The following TG variants were observed in gnomAD, a reference collection of about 807,000 sequenced individuals.
TG encodes thyroglobulin.
A neutral mutation model predicts 324.7 loss-of-function variants in TG; 270 were observed. That is an observed-to-expected ratio of 0.83 (90% CI 0.75 to 0.92). The LOEUF is 0.92. Among genes scored for constraint, TG ranks in the 40% least tolerant of loss-of-function variants. TG has a pLI of 0.00. For synonymous variants in TG, 1,401 were observed against 1,327.0 expected (o/e 1.06, Z -1.21); for missense variants, 3,591 against 3,456.4 (o/e 1.04, Z -0.98).
At chr8:133,005,711 G>A (rs950556431) in intron 35 of TG, among the ~76,000 whole-genome samples, 1 of 152,160 alleles carries the variant, frequency 6.6e-6, no homozygotes, top group African/African-American at 2.4e-5. Flanking sequence ...ATAGCCAATT[G>A]TTAGTGTCAG....
rs185990962 is a variant in TG at position 132,884,715 on chromosome 8, T to A, written c.1075+1716T>A. Among the ~76,000 whole-genome samples the A allele has an allele frequency of 2.6e-5, 4 of 152,342 alleles. No individual in the cohort carries two copies. In the East Asian group the frequency reaches 7.7e-4, roughly 29 times the overall value. On this transcript the variant is annotated intron_variant, in intron 8 of 47. Coordinates refer to ENST00000220616, the MANE Select transcript of TG (RefSeq NM_003235.5). ...AAATGAAGAACTATGGCTTTCCAAA[T>A]TAAAGGCCATAAATGGCTCTATCAA...
In TG at chr8:133,012,051, A is replaced by G. The variant is rs764862468; in HGVS notation, c.6397+16A>G. The G allele has an allele frequency of 3.1e-6, 5 of 1,614,158 alleles. No individual in the cohort carries two copies. The South Asian group carries it at 5.5e-5, about 18-fold the overall frequency. ...TGTTTGTCGGGTAAGGGGAGTTTCC[A>G]ACCCACAGGTTGGGTGGGACAAAAC... is the stretch of plus-strand genomic sequence containing the variant. On this transcript the variant is annotated intron_variant, in intron 36 of 47. Coordinates refer to ENST00000220616, the MANE Select transcript of TG (RefSeq NM_003235.5).
Position 133,017,712 on chromosome 8 carries a change from C to T in TG, c.6563-66C>T, listed in dbSNP as rs758585825. The T allele has an allele frequency of 2.8e-6, 4 of 1,435,090 alleles. No individual in the cohort carries two copies. The South Asian group carries it at 3.4e-5, about 12-fold the overall frequency. 88.9% of individuals were successfully genotyped at this position (1,435,090 alleles called of 1,614,324 possible). A position where few individuals can be genotyped will look rare whatever the true frequency, so the allele number is the denominator to read the frequency against. On this transcript the variant is annotated intron_variant, in intron 37 of 47. Transcript: ENST00000220616. ...TTTGTTGAAAGCACATTCAGAATGC[C>T]AGTGGAGAGAGCACTCACTGAGGCC...
At chr8:133,052,685 GC>G (rs1474867521) in intron 41 of TG, among the ~76,000 whole-genome samples, 2 of 152,212 alleles carry the variant, frequency 1.3e-5, no homozygotes, top group Non-Finnish European at 2.9e-5. Context: ...TTCACATTTG[GC>G]AGGGCATAAA....
intron 39 of TG, 135 bp downstream of exon 39, chr8:133,019,830 A>G: frequency 1.4e-6 from 1 of 716,614 alleles, no homozygotes; most frequent in Non-Finnish European, 2.4e-6. Context: ...TTGCCTAAGG[A>G]CACTCAGTTA....
chr8:133,104,252 A>C (rs547593199), intron 43 of TG, among the ~76,000 whole-genome samples: 29 of 152,334 alleles, frequency 1.9e-4, no homozygotes, highest in Admixed American at 1.2e-3. Flanking sequence ...GCCATCAGAA[A>C]AGTGACTTTA....
In TG at chr8:132,888,145, C is replaced by T. The variant is rs772876046; in HGVS notation, c.2338C>T (p.Gln780Ter). 6.2e-7 allele frequency: 1 copy of T among 1,614,114 alleles called. No homozygotes were observed. Among genetic ancestry groups the T allele is most frequent in the East Asian group, 2.2e-5 (1 of 44,876 alleles). The change falls in exon 10 of 48, where the codon CAG becomes TAG. Residue 780 changes from glutamine to a stop codon, truncating the protein, a stop_gained. Coordinates refer to ENST00000220616, the MANE Select transcript of TG (RefSeq NM_003235.5). LOFTEE classifies it high-confidence loss of function. ...RQVQCNGPPE[Q>*]VFELYQRWEA... is the part of the protein sequence containing the mutation. The stretch of plus-strand genomic sequence containing the variant: ...AGTGCAATGCAATGGGCCTCCTGAG[C>T]AGGTCTTCGAGTTGTACCAACGATG...
chr8:133,038,335 A>T (rs773764179), intron 41 of TG: 2 of 606,614 alleles, frequency 3.3e-6, no homozygotes, highest in Non-Finnish European at 5.9e-6. Flanking sequence ...CTGATCAGAC[A>T]CCAGGGAGGG....
At chr8:133,049,429 A>C (rs1840019799) in intron 41 of TG, 1 of 279,040 alleles carries the variant, frequency 3.6e-6, no homozygotes, top group Non-Finnish European at 7.2e-6. Context: ...TAACAACCCT[A>C]CACTTTGATC....
chr8:132,983,582 G>T, intron 35 of TG, 170 bp downstream of exon 35: 1 of 690,350 alleles, frequency 1.4e-6, no homozygotes, highest in Non-Finnish European at 2.6e-6. Flanking sequence ...CCAGCAACAT[G>T]CCCACTTTGC....
intron 40 of TG, among the ~76,000 whole-genome samples, chr8:133,023,904 C>T (rs574037139): frequency 2.0e-5 from 3 of 152,312 alleles, no homozygotes; most frequent in Admixed American, 2.0e-4. Context: ...CGGAAGCTTC[C>T]AGAACACCCA....
intron 45 of TG, among the ~76,000 whole-genome samples, chr8:133,124,902 C>CT (rs1851404912): frequency 3.3e-5 from 5 of 152,138 alleles, no homozygotes; most frequent in Admixed American, 3.3e-4. Context: ...AGTTGACTGT[C>CT]TTGGTGAGTT....
At chr8:132,998,243 T>G (rs1833067679) in intron 35 of TG, among the ~76,000 whole-genome samples, 1 of 152,138 alleles carries the variant, frequency 6.6e-6, no homozygotes, top group African/African-American at 2.4e-5. Context: ...AGATGGCCCC[T>G]TTTTGCTCTG....
intron 41 of TG, among the ~76,000 whole-genome samples, chr8:133,080,633 G>A (rs1266230387): frequency 6.6e-6 from 1 of 152,034 alleles, no homozygotes; most frequent in Admixed American, 6.6e-5. Context: ...CCCTTTCCTG[G>A]CATTCAAAGC....
chr8:133,032,378 C>T (rs1375161853), intron 41 of TG, among the ~76,000 whole-genome samples: 3 of 152,110 alleles, frequency 2.0e-5, no homozygotes, highest in Non-Finnish European at 4.4e-5. Context: ...TTCTCCAGGG[C>T]CCTTTCAAAA....
At chr8:133,126,284 G>A (rs1438709715) in intron 45 of TG, among the ~76,000 whole-genome samples, 2 of 152,126 alleles carry the variant, frequency 1.3e-5, no homozygotes, top group Non-Finnish European at 2.9e-5. Context: ...TGGAGTATCT[G>A]CATGGTATTC....
intron 46 of TG, among the ~76,000 whole-genome samples, chr8:133,132,887 A>G (rs961149219): frequency 2.0e-5 from 3 of 152,208 alleles, no homozygotes; most frequent in Non-Finnish European, 2.9e-5. Context: ...CACTTCCAGG[A>G]AAGGAGGTCT....
intron 40 of TG, among the ~76,000 whole-genome samples, chr8:133,026,005 A>G (rs1190151836): frequency 6.6e-6 from 1 of 152,130 alleles, no homozygotes; most frequent in Non-Finnish European, 1.5e-5. Flanking sequence ...GTGTGAGGAC[A>G]AGCACCAGGA....
chr8:132,995,619 C>A, intron 35 of TG: 2 of 716,434 alleles, frequency 2.8e-6, no homozygotes, highest in Non-Finnish European at 3.4e-6. Context: ...AGTTCAGATG[C>A]TCTTAGGAGA....
Sources: gnomAD v4.1 joint callset for allele counts (sites outside exome capture counted in the v4.1 genomes callset) on GRCh38, gnomAD v4.1.1 for gene constraint, MANE v1.5 for transcripts, NCBI Gene and HGNC (gene_info 2026-07-23, HGNC 2026-07-21) for gene names.